Variants in MARCHF1 observed in about 807,000 individuals in gnomAD.
The protein encoded by MARCHF1 is E3 ubiquitin-protein ligase MARCHF1.
MARCHF1 carries 40 observed loss-of-function variants against 54.2 expected under a neutral mutation model. That is an observed-to-expected ratio of 0.74 (90% CI 0.57 to 0.96). MARCHF1 has a LOEUF of 0.96. Among genes scored for constraint, MARCHF1 ranks in the 40% least tolerant of loss-of-function variants. MARCHF1 has a pLI of 0.00. For missense variants in MARCHF1, 586 were observed against 656.5 expected (o/e 0.89, Z 1.17); for synonymous variants, 236 against 236.3 (o/e 1.00, Z 0.01).
At chr4:163,806,949 C>T (rs555869771) in intron 4 of MARCHF1, among the ~76,000 whole-genome samples, 1 of 152,146 alleles carries the variant, frequency 6.6e-6, no homozygotes, top group South Asian at 2.1e-4. Context: ...AAAATGTACA[C>T]TTAACAAATC....
intron 2 of MARCHF1, among the ~76,000 whole-genome samples, chr4:164,026,685 G>T: frequency 6.6e-6 from 1 of 152,070 alleles, no homozygotes; most frequent in East Asian, 1.9e-4. Context: ...ACAAGACAAG[G>T]ATGCCCAGTC....
chr4:163,637,144 T>C (rs891358399), intron 5 of MARCHF1, among the ~76,000 whole-genome samples: 1 of 151,798 alleles, frequency 6.6e-6, no homozygotes, highest in African/African-American at 2.4e-5. Flanking sequence ...ATAAAAACCC[T>C]AGAAGAAAAC....
At chr4:163,939,692 A>G (rs1415590719) in intron 3 of MARCHF1, among the ~76,000 whole-genome samples, 1 of 152,142 alleles carries the variant, frequency 6.6e-6, no homozygotes, top group Non-Finnish European at 1.5e-5. Flanking sequence ...AATGCCAACA[A>G]TATCTACTAT....
chr4:164,153,348 C>G (rs1729994761), intron 1 of MARCHF1, among the ~76,000 whole-genome samples: 2 of 152,086 alleles, frequency 1.3e-5, no homozygotes, highest in African/African-American at 4.8e-5. Flanking sequence ...CTTTGTAACA[C>G]ATCTTATAGA....
At chr4:163,784,140 CTT>C (rs397796838) in intron 4 of MARCHF1, among the ~76,000 whole-genome samples, 81 of 142,756 alleles carry the variant, frequency 5.7e-4, no homozygotes, top group Admixed American at 8.4e-4. Flanking sequence ...AGCAGAAATT[CTT>C]TTTTTTTTTT....
intron 1 of MARCHF1, among the ~76,000 whole-genome samples, chr4:164,256,024 C>T (rs1733269854): frequency 6.6e-6 from 1 of 151,924 alleles, no homozygotes; most frequent in Non-Finnish European, 1.5e-5. Context: ...GGCATGGTGG[C>T]TCACACCTGT....
At chr4:164,171,468 A>C (rs1190901034) in intron 1 of MARCHF1, among the ~76,000 whole-genome samples, 1 of 152,166 alleles carries the variant, frequency 6.6e-6, no homozygotes, top group Admixed American at 6.5e-5. Context: ...TCAAATGTTT[A>C]TCATACTACG....
chr4:163,672,789 C>T (rs898921938), intron 5 of MARCHF1, among the ~76,000 whole-genome samples: 2 of 152,188 alleles, frequency 1.3e-5, no homozygotes, highest in African/African-American at 4.8e-5. Flanking sequence ...TCTCTGGAGA[C>T]TGGAATCCAG....
chr4:163,918,997 C>T (rs1751369155), intron 3 of MARCHF1, among the ~76,000 whole-genome samples: 1 of 151,996 alleles, frequency 6.6e-6, no homozygotes, highest in Non-Finnish European at 1.5e-5. Flanking sequence ...TGGTTTTCTC[C>T]TATGCTTTGA....
At chr4:164,244,825 AAC>A (rs1271200494) in intron 1 of MARCHF1, among the ~76,000 whole-genome samples, 6 of 152,138 alleles carry the variant, frequency 3.9e-5, no homozygotes, top group African/African-American at 1.2e-4. Context: ...GAATACTACA[AAC>A]ACCTCTACGC....
chr4:163,609,507 A>G (rs1741253254), intron 7 of MARCHF1, among the ~76,000 whole-genome samples: 1 of 151,874 alleles, frequency 6.6e-6, no homozygotes, highest in Non-Finnish European at 1.5e-5. Flanking sequence ...AACCCACAGG[A>G]TAGTTCCATC....
chr4:164,345,088 T>C (rs2110858839), intron 1 of MARCHF1, among the ~76,000 whole-genome samples: 1 of 152,260 alleles, frequency 6.6e-6, no homozygotes, highest in East Asian at 1.9e-4. Flanking sequence ...GTAGGATAAC[T>C]GTAGTTATCA....
At chr4:164,170,928 C>T (rs56327838) in intron 1 of MARCHF1, among the ~76,000 whole-genome samples, 18,076 of 151,916 alleles carry the variant, frequency 0.12, 1,349 homozygotes, top group Admixed American at 0.21. Context: ...GTAATTATGA[C>T]GGCTCCTATG....
chr4:163,838,347 A>G (rs1358424857), intron 4 of MARCHF1, among the ~76,000 whole-genome samples: 1 of 152,094 alleles, frequency 6.6e-6, no homozygotes, highest in Non-Finnish European at 1.5e-5. Context: ...TTGTTATACC[A>G]TATTTTTTAG....
At chr4:164,155,214 G>T (rs1231231824) in intron 1 of MARCHF1, among the ~76,000 whole-genome samples, 2 of 152,102 alleles carry the variant, frequency 1.3e-5, no homozygotes, top group Non-Finnish European at 2.9e-5. Flanking sequence ...TGGGTATCCA[G>T]GCTTAAGGGT....
At position 164,331,202 on chromosome 4, in the gene MARCHF1, T is replaced by A. The variant is rs116909520; in HGVS notation, c.-323+52668A>T. ...TACCTTTTATAATCTTAGAGCTTTA[T>A]TAAAGGCCGAGACAGAGGAAATAGA... On this transcript the variant is annotated intron_variant, in intron 1 of 9. Coordinates refer to ENST00000514618, the MANE Select transcript of MARCHF1 (RefSeq NM_001394959.1). Among the ~76,000 whole-genome samples, 17 of 152,262 alleles carry A rather than the reference T, an allele frequency of 1.1e-4. No individual in the cohort carries two copies. The East Asian group carries it at 3.3e-3, about 29-fold the overall frequency.
intron 1 of MARCHF1, among the ~76,000 whole-genome samples, chr4:164,151,323 A>G (rs1259313506): frequency 6.6e-6 from 1 of 152,216 alleles, no homozygotes; most frequent in East Asian, 1.9e-4. Context: ...CCATTTGTTC[A>G]TTAAGTTCAA....
intron 4 of MARCHF1, among the ~76,000 whole-genome samples, chr4:163,702,315 C>T (rs1209286036): frequency 6.6e-6 from 1 of 152,166 alleles, no homozygotes; most frequent in Non-Finnish European, 1.5e-5. Context: ...CTACTGACGT[C>T]TCAACTCCTC....
At chr4:164,295,536 A>C (rs933260413) in intron 1 of MARCHF1, among the ~76,000 whole-genome samples, 12 of 152,178 alleles carry the variant, frequency 7.9e-5, no homozygotes, top group African/African-American at 2.7e-4. Flanking sequence ...GTCATGGAAG[A>C]ATTAAATCAC....
Sources: gnomAD v4.1 joint callset for allele counts (sites outside exome capture counted in the v4.1 genomes callset) on GRCh38, gnomAD v4.1.1 for gene constraint, MANE v1.5 for transcripts, NCBI Gene and HGNC (gene_info 2026-07-23, HGNC 2026-07-21) for gene names.